DAB1: variants seen among roughly 807,000 people sequenced by gnomAD.
DAB1 encodes the protein DAB adaptor protein 1, also known as disabled homolog 1.
A neutral mutation model predicts 64.6 loss-of-function variants in DAB1; 15 were observed. The observed-to-expected ratio is 0.23, with a 90% CI of 0.16 to 0.36. DAB1 has a LOEUF of 0.36. Ranked by LOEUF, DAB1 falls within the 10% of genes least tolerant of loss-of-function variation. DAB1 has a pLI of 1.00. For synonymous variants in DAB1, 235 were observed against 251.9 expected (o/e 0.93, Z 0.64); for missense variants, 596 against 706.7 (o/e 0.84, Z 1.78).
chr1:57,507,950 C>T (rs546718527), intron 7 of DAB1, among the ~76,000 whole-genome samples: 94 of 152,254 alleles, frequency 6.2e-4, no homozygotes, highest in African/African-American at 2.2e-3. Flanking sequence ...ATCTGAAGAA[C>T]TTGTTGAATA....
chr1:58,170,747 C>T (rs1006336563), intron 4 of DAB1, among the ~76,000 whole-genome samples: 7 of 152,072 alleles, frequency 4.6e-5, no homozygotes, highest in African/African-American at 1.7e-4. Flanking sequence ...TCTGCTATGC[C>T]GAGGCAATCA....
intron 5 of DAB1, among the ~76,000 whole-genome samples, chr1:57,934,170 C>A (rs189537349): frequency 6.6e-6 from 1 of 151,408 alleles, no homozygotes; most frequent in African/African-American, 2.4e-5. Flanking sequence ...CGTGATCCAC[C>A]CACTTTGGCC....
chr1:58,435,037 C>T (rs536168651), intron 3 of DAB1, among the ~76,000 whole-genome samples: 2 of 152,282 alleles, frequency 1.3e-5, no homozygotes, highest in South Asian at 4.1e-4. Flanking sequence ...ATAGCAGATG[C>T]CCTCAAGGAC....
intron 6 of DAB1, among the ~76,000 whole-genome samples, chr1:57,684,912 G>A (rs935874074): frequency 1.8e-4 from 27 of 151,866 alleles, no homozygotes; most frequent in Middle Eastern, 3.4e-3. Flanking sequence ...GATCTACTAT[G>A]CAAATGGAAA....
At chr1:57,214,386 C>T (rs1028983993) in intron 2 of DAB1, among the ~76,000 whole-genome samples, 12 of 152,280 alleles carry the variant, frequency 7.9e-5, no homozygotes, top group Admixed American at 7.8e-4. Flanking sequence ...CCCTCAACTG[C>T]CCTTTGGTTT....
intron 7 of DAB1, among the ~76,000 whole-genome samples, chr1:57,479,528 G>T (rs1643984733): frequency 6.6e-6 from 1 of 151,710 alleles, no homozygotes; most frequent in Non-Finnish European, 1.5e-5. Context: ...CCAAAAGTTT[G>T]TAGTTTAAAA....
At chr1:57,666,602 T>G (rs1164002739) in intron 6 of DAB1, among the ~76,000 whole-genome samples, 1 of 152,224 alleles carries the variant, frequency 6.6e-6, no homozygotes, top group Admixed American at 6.5e-5. Context: ...CCAAAAAATT[T>G]TGAATCATGT....
intron 6 of DAB1, among the ~76,000 whole-genome samples, chr1:57,753,004 G>T (rs1205211550): frequency 1.3e-5 from 2 of 152,180 alleles, no homozygotes; most frequent in Admixed American, 1.3e-4. Context: ...GGTAATTCAT[G>T]AAGTTGCTGA....
At chr1:57,694,911 T>C (rs1646805630) in intron 6 of DAB1, among the ~76,000 whole-genome samples, 1 of 152,098 alleles carries the variant, frequency 6.6e-6, no homozygotes, top group African/African-American at 2.4e-5. Flanking sequence ...TATAAAGATA[T>C]TTTTAAACTT....
chr1:57,687,599 C>CAAAAAAAAAAAAAAAAAAAA (rs57316234), intron 6 of DAB1, among the ~76,000 whole-genome samples: 57 of 82,410 alleles, frequency 6.9e-4, no homozygotes, highest in Admixed American at 9.4e-4. Context: ...TCTTAAGAAA[C>CAAAAAAAAAAAAAAAAAAAA]AAAAAAAAAA....
chr1:57,076,222 G>C (rs187171463), intron 4 of DAB1, among the ~76,000 whole-genome samples: 3 of 152,198 alleles, frequency 2.0e-5, no homozygotes, highest in Non-Finnish European at 2.9e-5. Context: ...TAGTTCCGGA[G>C]GTGGCTGGGA....
chr1:57,718,486 G>A (rs1398847343), intron 6 of DAB1, among the ~76,000 whole-genome samples: 1 of 152,064 alleles, frequency 6.6e-6, no homozygotes, highest in Non-Finnish European at 1.5e-5. Context: ...TTGGTGTCCA[G>A]AAGAATTTTT....
chr1:58,376,676 C>T (rs1569703362), intron 3 of DAB1, among the ~76,000 whole-genome samples: 2 of 140,278 alleles, frequency 1.4e-5, no homozygotes, highest in East Asian at 4.0e-4. Flanking sequence ...GTGGAGAGTT[C>T]TGTAGATGTC....
intron 4 of DAB1, among the ~76,000 whole-genome samples, chr1:58,182,132 G>C (rs1185054664): frequency 1.3e-5 from 2 of 151,958 alleles, no homozygotes; most frequent in East Asian, 1.9e-4. Flanking sequence ...TCTATTTCTA[G>C]TAGGAAGTCA....
At chr1:58,052,296 T>C (rs184242423) in intron 5 of DAB1, among the ~76,000 whole-genome samples, 4 of 152,344 alleles carry the variant, frequency 2.6e-5, no homozygotes, top group African/African-American at 4.8e-5. Flanking sequence ...ATTTACTAAA[T>C]AGGGAATCCT....
At chr1:58,135,590 C>G (rs1340303367) in intron 5 of DAB1, among the ~76,000 whole-genome samples, 1 of 151,710 alleles carries the variant, frequency 6.6e-6, no homozygotes, top group African/African-American at 2.4e-5. Flanking sequence ...AAGTTTGTTA[C>G]CTGGGTATGT....
chr1:57,161,135 C>A (rs1439761957), intron 2 of DAB1, among the ~76,000 whole-genome samples: 7 of 152,076 alleles, frequency 4.6e-5, no homozygotes, highest in Admixed American at 4.6e-4. Context: ...CCACCAAAGA[C>A]AGTACAAAAT....
chr1:58,031,493 C>A (rs1010750026), intron 5 of DAB1, among the ~76,000 whole-genome samples: 48 of 152,078 alleles, frequency 3.2e-4, no homozygotes, highest in Non-Finnish European at 1.2e-4. Flanking sequence ...AACGTTTAAC[C>A]GGAGAAGCAG....
At chr1:57,556,986 C>T (rs1368696892) in intron 7 of DAB1, among the ~76,000 whole-genome samples, 1 of 152,036 alleles carries the variant, frequency 6.6e-6, no homozygotes, top group Non-Finnish European at 1.5e-5. Flanking sequence ...TGCCAATTAT[C>T]CCAGCACTGT....
Sources: gnomAD v4.1 joint callset for allele counts (sites outside exome capture counted in the v4.1 genomes callset) on GRCh38, gnomAD v4.1.1 for gene constraint, MANE v1.5 for transcripts, NCBI Gene and HGNC (gene_info 2026-07-23, HGNC 2026-07-21) for gene names.